Variants in CUX1 observed in about 807,000 individuals in gnomAD.
CUX1 encodes the protein protein CASP.
CUX1 carries 31 observed loss-of-function variants against 158.8 expected under a neutral mutation model. The observed-to-expected ratio is 0.20, with a 90% CI of 0.15 to 0.26. CUX1 has a LOEUF of 0.26. Among genes scored for constraint, CUX1 ranks in the 10% least tolerant of loss-of-function variants. The pLI is 1.00. For missense variants in CUX1, 1,589 were observed against 2,014.6 expected (o/e 0.79, Z 4.04); for synonymous variants, 879 against 862.1 (o/e 1.02, Z -0.34).
At position 102,248,967 on chromosome 7, in the gene CUX1, C is replaced by G; in HGVS notation, c.4443C>G (p.Ala1481=). The part of the protein sequence containing the change: ...SRDNPLRKKK[A]ANLNSIIHRL... ...ACAACCCCCTGCGCAAGAAGAAGGCCGCGAACTTGAACAGCATCATCCACC... is the reference window on the plus strand; with the variant it reads ...ACAACCCCCTGCGCAAGAAGAAGGCGGCGAACTTGAACAGCATCATCCACC... Residue 1481 remains alanine (A), a synonymous_variant, in exon 24 of 24, where the codon GCC becomes GCG. Coordinates refer to ENST00000292535, the MANE Select transcript of CUX1 (RefSeq NM_181552.4). This position sits in a 1 kb window ranked among gnomAD's most constrained non-coding sequence, Gnocchi z 5.8. 1 of 1,478,186 alleles carries G rather than the reference C, an allele frequency of 6.8e-7. No homozygotes were observed. Among genetic ancestry groups the G allele is most frequent in the South Asian group, 1.3e-5 (1 of 79,302 alleles). The allele number at this position is 1,478,186 out of a possible 1,614,324, so 91.6% of individuals were successfully genotyped here. A position where few individuals can be genotyped will look rare whatever the true frequency, so the allele number is the denominator to read the frequency against.
At chr7:101,892,102 G>A (rs1438521238) in intron 1 of CUX1, among the ~76,000 whole-genome samples, 1 of 152,170 alleles carries the variant, frequency 6.6e-6, no homozygotes, top group East Asian at 1.9e-4. Flanking sequence ...CTTTTGTGTT[G>A]GAGCGGAGAG....
Position 102,250,938 on chromosome 7 carries a change from TTAAAC to T in CUX1, c.*1900_*1904del, listed in dbSNP as rs1473328676. ...TTTAGACTTCTTTATTGCCATATCTTTAAACTAACAATAGATGATTTCGGTATATA... is the reference window on the plus strand; with the variant it reads ...TTTAGACTTCTTTATTGCCATATCTTTAACAATAGATGATTTCGGTATATA... On this transcript the variant is annotated 3_prime_UTR_variant, in exon 24 of 24. Coordinates refer to ENST00000292535, the MANE Select transcript of CUX1 (RefSeq NM_181552.4). 1.4e-4 allele frequency: 138 copies of T among 977,238 alleles called. No homozygotes were observed. The highest frequency in any genetic ancestry group is 1.5e-4 in the Non-Finnish European group (126 of 822,646). 60.5% of individuals were successfully genotyped at this position (977,238 alleles called of 1,614,324 possible).
intron 21 of CUX1, among the ~76,000 whole-genome samples, chr7:102,230,678 T>A (rs1169027211): frequency 3.3e-5 from 5 of 152,030 alleles, no homozygotes; most frequent in Non-Finnish European, 4.4e-5. Flanking sequence ...TTAAGTCAAT[T>A]CATAAAAATA....
intron 8 of CUX1, among the ~76,000 whole-genome samples, chr7:102,136,177 C>G (rs1330770249): frequency 2.6e-5 from 4 of 152,042 alleles, no homozygotes; most frequent in Non-Finnish European, 5.9e-5. Flanking sequence ...GGTATAAATA[C>G]ATATAGCTCT....
At chr7:102,212,340 G>A (rs1271962461) in intron 20 of CUX1, among the ~76,000 whole-genome samples, 1 of 152,040 alleles carries the variant, frequency 6.6e-6, no homozygotes, top group Non-Finnish European at 1.5e-5. Flanking sequence ...CAGGCTGCCA[G>A]CACCGCCCCA....
intron 4 of CUX1, among the ~76,000 whole-genome samples, chr7:102,088,392 G>A (rs1425590637): frequency 6.6e-6 from 1 of 152,176 alleles, no homozygotes; most frequent in Non-Finnish European, 1.5e-5. Context: ...CAACACTTTG[G>A]GAGGCTGAGG....
At chr7:102,061,796 A>G (rs961493778) in intron 3 of CUX1, among the ~76,000 whole-genome samples, 1 of 152,150 alleles carries the variant, frequency 6.6e-6, no homozygotes, top group African/African-American at 2.4e-5. Context: ...GCACTTCGGA[A>G]GGCTGAGGCG....
intron 1 of CUX1, among the ~76,000 whole-genome samples, chr7:101,856,276 C>G (rs915458766): frequency 6.6e-6 from 1 of 151,206 alleles, no homozygotes; most frequent in Non-Finnish European, 1.5e-5. Context: ...TTTCAGCCAT[C>G]AACGCAGGGA....
intron 8 of CUX1, among the ~76,000 whole-genome samples, chr7:102,154,911 A>C (rs1427652028): frequency 1.3e-5 from 2 of 152,176 alleles, no homozygotes; most frequent in Non-Finnish European, 2.9e-5. Flanking sequence ...CACCAGCCGG[A>C]CCAGTCCCCA....
rs540438677 is a variant in CUX1, at chr7:101,950,916, T to C, written c.141+34691T>C. Among the ~76,000 whole-genome samples the C allele has an allele frequency of 7.7e-4, 118 of 152,304 alleles. 2 individuals are homozygous for C. In the South Asian group the frequency reaches 0.015, roughly 20 times the overall value. On this transcript the variant is annotated intron_variant, in intron 2 of 23. Coordinates refer to ENST00000292535, the MANE Select transcript of CUX1 (RefSeq NM_181552.4). ...CCTGGTGCACACTCTCCTTACTTCTTAGTTACCATAGCAACTGCCTAACTG... is the reference window on the plus strand; with the variant it reads ...CCTGGTGCACACTCTCCTTACTTCTCAGTTACCATAGCAACTGCCTAACTG...
At chr7:102,117,485 G>A (rs967552210) in intron 8 of CUX1, among the ~76,000 whole-genome samples, 7 of 146,790 alleles carry the variant, frequency 4.8e-5, no homozygotes, top group South Asian at 2.2e-4. Flanking sequence ...GGGTTTCCAC[G>A]CCTGGGTTTG....
intron 2 of CUX1, among the ~76,000 whole-genome samples, chr7:101,992,231 G>A (rs140658806): frequency 5.4e-4 from 82 of 152,262 alleles, no homozygotes; most frequent in African/African-American, 1.8e-3. Context: ...AAAGTGGGAC[G>A]GGGTTGGGGG....
intron 20 of CUX1, among the ~76,000 whole-genome samples, chr7:102,213,099 C>T (rs1441422744): frequency 6.6e-6 from 1 of 152,192 alleles, no homozygotes; most frequent in Non-Finnish European, 1.5e-5. Context: ...CCATCTTGGC[C>T]TCCCAAAGTG....
chr7:102,239,612 C>A, intron 23 of CUX1, 28 bp downstream of exon 23: 1 of 1,599,326 alleles, frequency 6.3e-7, no homozygotes, highest in South Asian at 1.1e-5. Flanking sequence ...CAGGGAGCGC[C>A]GGTCGGCCCA....
intron 1 of CUX1, among the ~76,000 whole-genome samples, chr7:101,909,505 A>G (rs1307800075): frequency 6.6e-6 from 1 of 152,236 alleles, no homozygotes; most frequent in East Asian, 1.9e-4. Context: ...TGGAAATGAA[A>G]CAAAAAATAA....
chr7:102,126,174 C>T lies in CUX1; in HGVS notation c.674+10901C>T, dbSNP rs184763169. On this transcript the variant is annotated intron_variant, in intron 8 of 23. Coordinates refer to ENST00000292535, the MANE Select transcript of CUX1 (RefSeq NM_181552.4). ...GACTACAAGTGTGCACCACCATTTCCGGCTGTGTGTGTGTGTGTGTGTGTG... is the reference window on the plus strand; with the variant it reads ...GACTACAAGTGTGCACCACCATTTCTGGCTGTGTGTGTGTGTGTGTGTGTG... Among the ~76,000 whole-genome samples the T allele has an allele frequency of 6.9e-3, 626 of 91,144 alleles. 3 individuals are homozygous for T. Among genetic ancestry groups the T allele is most frequent in the Admixed American group, 0.011 (90 of 7,906 alleles). The allele number at this position is 91,144 out of a possible 152,430, so 59.8% of individuals were successfully genotyped here. A position where few individuals can be genotyped will look rare whatever the true frequency, so the allele number is the denominator to read the frequency against.
chr7:102,197,037 T>A lies in CUX1; in HGVS notation c.1626T>A (p.Ala542=). 1 of 1,614,196 alleles carries A rather than the reference T, an allele frequency of 6.2e-7. No individual in the cohort carries two copies. Among genetic ancestry groups the A allele is most frequent in the Non-Finnish European group, 8.5e-7 (1 of 1,180,032 alleles). Reference sequence around the variant, plus strand: ...CATCCCCCAGCCAGTCAGAAAGTGCTGGGAGCGTCTCCGAGGGCGAGGAGA... The same window carrying A: ...CATCCCCCAGCCAGTCAGAAAGTGCAGGGAGCGTCTCCGAGGGCGAGGAGA... ...MAPSPSQSES[A]GSVSEGEEMD... The change falls in exon 15 of 24, where the codon GCT becomes GCA. Residue 542 remains alanine, a synonymous_variant. Coordinates refer to ENST00000292535, the MANE Select transcript of CUX1 (RefSeq NM_181552.4).
chr7:102,184,060 G>A (rs1001165072), intron 11 of CUX1, among the ~76,000 whole-genome samples: 1 of 152,022 alleles, frequency 6.6e-6, no homozygotes, highest in African/African-American at 2.4e-5. Flanking sequence ...ACCACACCCG[G>A]CGAATTTTTA....
intron 20 of CUX1, 95 bp from the exon 21 acceptor site, chr7:102,227,272 A>G (rs568826173): frequency 2.8e-6 from 3 of 1,080,920 alleles, no homozygotes; most frequent in Non-Finnish European, 4.1e-6. Flanking sequence ...TCTCCTACAG[A>G]GCGTTTAATT....
Sources: gnomAD v4.1 joint callset for allele counts (sites outside exome capture counted in the v4.1 genomes callset) on GRCh38, gnomAD v4.1.1 for gene constraint, Gnocchi (gnomAD v3.1) non-coding constraint, MANE v1.5 for transcripts, NCBI Gene and HGNC (gene_info 2026-07-23, HGNC 2026-07-21) for gene names.